The following CGN variants were observed in gnomAD, a reference collection of about 807,000 sequenced individuals.
CGN encodes cingulin.
In CGN, 121 loss-of-function variants were observed where a neutral mutation model predicts 157.1. The ratio of observed to expected loss-of-function variants is 0.77; its 90% CI spans 0.66 to 0.90. CGN has a LOEUF of 0.90. Ranked by LOEUF, CGN falls within the 40% of genes least tolerant of loss-of-function variation. The pLI, the probability that CGN is intolerant of heterozygous loss-of-function variation, is 0.00. For synonymous variants in CGN, 535 were observed against 607.5 expected, an observed-to-expected ratio of 0.88 and a Z score of 1.76; for missense variants, 1,424 against 1,520.9, an observed-to-expected ratio of 0.94 and a Z score of 1.06.
Position 151,520,667 on chromosome 1 carries a change from G to A in CGN, c.1116G>A (p.Gln372=), listed in dbSNP as rs1490677182. 3 of 1,613,888 alleles carry A rather than the reference G, an allele frequency of 1.9e-6. No individual in the cohort carries two copies. Among genetic ancestry groups the A allele is most frequent in the African/African-American group, 1.3e-5 (1 of 74,944 alleles). ...TTACCCGAAAAGTGGAGGAGCTACA[G>A]CGAAAGCTGGATGAAGAGGTGAAGG... The part of the protein sequence containing the change: ...GELTRKVEEL[Q]RKLDEEVKKR... The change falls in exon 5 of 21, where the codon CAG becomes CAA. Residue 372 remains glutamine (Q), a synonymous_variant. Coordinates refer to ENST00000271636, the MANE Select transcript of CGN (RefSeq NM_020770.3).
rs1348912579 is a variant in CGN, at chr1:151,530,526, C to A, written c.2351C>A (p.Ser784Tyr). ...CAGCTGGAGGAGGCCCTGAATGCGT[C>A]CCAGGAAGAGGAGGGGAGTCTGGCA... is the stretch of plus-strand genomic sequence containing the variant. ...KQQLEEALNASQEEEGSLAAA... is the reference protein window; with the variant it reads ...KQQLEEALNAYQEEEGSLAAA... Residue 784 changes from serine to tyrosine, a missense_variant, in exon 13 of 21, where the codon TCC (serine) becomes TAC (tyrosine). By Grantham distance (144) the Ser-to-Tyr change is moderately radical. Coordinates refer to ENST00000271636, the MANE Select transcript of CGN (RefSeq NM_020770.3). 3 of 1,603,730 alleles carry A rather than the reference C, an allele frequency of 1.9e-6. No homozygotes were observed. The highest frequency in any genetic ancestry group is 2.5e-6 in the Non-Finnish European group (3 of 1,177,486).
rs180692076 is a variant in CGN, at chr1:151,523,368, T to C, written c.1141-66T>C. On this transcript the variant is annotated intron_variant, in intron 5 of 20. Coordinates refer to ENST00000271636, the MANE Select transcript of CGN (RefSeq NM_020770.3). ...TCCAATGAGTGTTAGACATTCCCAT[T>C]ATTCTGAGTCTTTCTGAGAGGCTTT... 5.0e-4 allele frequency: 732 copies of C among 1,477,102 alleles called. 4 individuals carry two copies. In the East Asian group the frequency reaches 0.012, roughly 24 times the overall value. The allele number at this position is 1,477,102 out of a possible 1,614,324, so 91.5% of individuals were successfully genotyped here. A position where few individuals can be genotyped will look rare whatever the true frequency, so the allele number is the denominator to read the frequency against.
intron 9 of CGN, 152 bp from the exon 10 acceptor site, chr1:151,526,823 G>T: frequency 1.3e-6 from 1 of 782,668 alleles, no homozygotes; most frequent in South Asian, 1.8e-5. Flanking sequence ...TTCTCAAACT[G>T]CTCTTTTCCA....
chr1:151,537,094 T>G, intron 20 of CGN, 111 bp from the exon 21 acceptor site: 7 of 1,333,242 alleles, frequency 5.3e-6, no homozygotes, highest in Non-Finnish European at 6.2e-6. Flanking sequence ...GGGGATTTTG[T>G]GAATAAACTT....
In CGN at chr1:151,520,448, G is replaced by A. The variant is rs780085429; in HGVS notation, c.1009G>A (p.Val337Ile). ...AAGTGAAACCTCTGTGAGGAGGAAG[G>A]TTAGTTTGGTGCTGGAGAAGATGCA... is the stretch of plus-strand genomic sequence containing the variant. ...SESETSVRRK[V>I]SLVLEKMQPL... Residue 337 changes from valine to isoleucine, a missense_variant, in exon 4 of 21, where the codon GTT becomes ATT. Val to Ile is a conservative substitution (Grantham distance 29). Around this residue, in one of 3 missense-constraint regions of CGN, gnomAD observed 1,187 missense variants for 1,217.6 expected, o/e 0.97. Coordinates refer to ENST00000271636, the MANE Select transcript of CGN (RefSeq NM_020770.3). 3.5e-5 allele frequency: 56 copies of A among 1,614,078 alleles called. No individual in the cohort carries two copies. The highest frequency in any genetic ancestry group is 1.6e-4 in the Middle Eastern group (1 of 6,084).
chr1:151,532,536 G>A lies in CGN; in HGVS notation c.2706G>A (p.Glu902=). Residue 902 remains glutamate (E), a synonymous_variant, in exon 14 of 21, where the codon GAG becomes GAA. Coordinates refer to ENST00000271636, the MANE Select transcript of CGN (RefSeq NM_020770.3). ...RQAKDWASEA[E]KTSGGLSRLQ... is the part of the protein sequence containing the mutation. The stretch of plus-strand genomic sequence containing the variant: ...CCAAGGATTGGGCCAGTGAGGCTGA[G>A]AAGACCTCTGGAGGACTGAGCCGAC... The A allele has an allele frequency of 6.3e-7, 1 of 1,589,394 alleles. No individual in the cohort carries two copies. Among genetic ancestry groups the A allele is most frequent in the Non-Finnish European group, 8.6e-7 (1 of 1,169,082 alleles).
chr1:151,517,659 C>T (rs528262588), intron 1 of CGN, among the ~76,000 whole-genome samples: 2 of 152,036 alleles, frequency 1.3e-5, no homozygotes, highest in African/African-American at 4.8e-5. Flanking sequence ...TACAGGCATG[C>T]GCCACCACGC....
At chr1:151,532,760 CAGGTG>C (rs1411451090) in intron 14 of CGN, among the ~76,000 whole-genome samples, 188 bp downstream of exon 14, 3 of 152,010 alleles carry the variant, frequency 2.0e-5, no homozygotes, top group African/African-American at 7.3e-5. Flanking sequence ...GCTGGGACTA[CAGGTG>C]CCTGCCACCA....
intron 9 of CGN, among the ~76,000 whole-genome samples, chr1:151,526,181 C>CT (rs10570307): frequency 5.0e-5 from 7 of 139,022 alleles, no homozygotes; most frequent in Middle Eastern, 3.9e-3. Context: ...CCCCTTTCTC[C>CT]TTTTTTTTTT....
At chr1:151,516,985 C>T in intron 1 of CGN, among the ~76,000 whole-genome samples, 1 of 151,568 alleles carries the variant, frequency 6.6e-6, no homozygotes. Context: ...TATGGTGAAA[C>T]CCCATCTCTA....
chr1:151,537,968 A>G lies in CGN; in HGVS notation c.*622A>G, dbSNP rs1665007014. On this transcript the variant is annotated 3_prime_UTR_variant, in exon 21 of 21. Transcript: ENST00000271636. ...TCAGTGCCTTAGCCAAGGCAAGGAG[A>G]TAAGGATGCTCTTCTTGCTTTTTAT... is the stretch of plus-strand genomic sequence containing the variant. 1 of 152,568 alleles carries G rather than the reference A, an allele frequency of 6.6e-6. No homozygotes were observed. The highest frequency in any genetic ancestry group is 1.5e-5 in the Non-Finnish European group (1 of 68,050). The allele number at this position is 152,568 out of a possible 1,614,324, so 9.5% of individuals were successfully genotyped here.
chr1:151,524,838 C>G lies in CGN; in HGVS notation c.1566C>G (p.Tyr522Ter), dbSNP rs1329758305. ...DQEVEHVRQQ[Y>*]QRDTEQLRRS... ...AGGTGGAACATGTCCGGCAGCAGTA[C>G]CAGCGAGACACAGAGCAGCTCCGCA... The change falls in exon 8 of 21, where the codon TAC becomes TAG. Residue 522 changes from tyrosine to a stop codon, truncating the protein, a stop_gained. Coordinates refer to ENST00000271636, the MANE Select transcript of CGN (RefSeq NM_020770.3). LOFTEE classifies it high-confidence loss of function. The surrounding 1 kb of genome is among the most constrained non-coding windows in gnomAD (Gnocchi z 4.4). The G allele has an allele frequency of 6.2e-7, 1 of 1,612,300 alleles. No homozygotes were observed. The highest frequency in any genetic ancestry group is 1.1e-5 in the South Asian group (1 of 90,988).
In CGN at chr1:151,530,740, C is replaced by G; in HGVS notation, c.2565C>G (p.Asn855Lys). Residue 855 changes from asparagine (N) to lysine (K), a missense_variant, in exon 13 of 21, where the codon AAC becomes AAG. Physicochemically the swap from Asn to Lys is moderately conservative, Grantham distance 94 (BLOSUM62 0). Coordinates refer to ENST00000271636, the MANE Select transcript of CGN (RefSeq NM_020770.3). ...TGGACAGGACTGTGGACCGACTGAA[C>G]AAGGAGGTGGGGCATGGGGTATTCT... ...RLLDRTVDRL[N>K]KELEKIGEDS... 6.4e-7 allele frequency: 1 copy of G among 1,551,460 alleles called. No individual in the cohort carries two copies. Among genetic ancestry groups the G allele is most frequent in the Non-Finnish European group, 8.7e-7 (1 of 1,146,736 alleles).
intron 5 of CGN, 33 bp downstream of exon 5, chr1:151,520,724 A>C (rs1664527543): frequency 6.4e-7 from 1 of 1,574,730 alleles, no homozygotes; most frequent in Admixed American, 1.8e-5. Context: ...GGAGGCATGA[A>C]GGAAAACAGG....
chr1:151,527,948 A>ATTTTTTTTTTT (rs1367576752), intron 10 of CGN: 1 of 120,222 alleles, frequency 8.3e-6, no homozygotes, highest in Non-Finnish European at 1.4e-5. Flanking sequence ...ATATATATAT[A>ATTTTTTTTTTT]TATTTTTTTT....
chr1:151,510,882 G>T (rs1334224413), upstream of CGN: 1 of 152,250 alleles, frequency 6.6e-6, no homozygotes, highest in Non-Finnish European at 1.5e-5. Context: ...CAAGATCAGG[G>T]TTCTGGTTCG....
At chr1:151,530,366 C>A (rs1310788429) in intron 12 of CGN, 123 bp from the exon 13 acceptor site, 32 of 1,221,240 alleles carry the variant, frequency 2.6e-5, no homozygotes, top group Non-Finnish European at 4.5e-6. Flanking sequence ...TTGCTAGGAG[C>A]CTGTTTTCAT....
Position 151,536,353 on chromosome 1 carries a change from CAT to C in CGN, c.3306+9_3306+10del. ...AATGACCAGAAAGACCAGGTGAGGA[CAT>C]GGCACCCTGGAGCCAAGCAACCTGG... is the stretch of plus-strand genomic sequence containing the variant. On this transcript the variant is annotated intron_variant, in intron 19 of 20. Transcript: ENST00000271636. 2 of 1,529,582 alleles carry C rather than the reference CAT, an allele frequency of 1.3e-6. No homozygotes were observed. Among genetic ancestry groups the C allele is most frequent in the Middle Eastern group, 1.8e-4 (1 of 5,714 alleles). The allele number at this position is 1,529,582 out of a possible 1,614,324, so 94.8% of individuals were successfully genotyped here.
upstream of CGN, chr1:151,510,898 G>A (rs566113265): frequency 3.9e-5 from 6 of 152,356 alleles, no homozygotes; most frequent in Non-Finnish European, 8.8e-5. Flanking sequence ...GTTCGGGTCA[G>A]GGAAAAGGGA....
Sources: allele counts gnomAD v4.1 joint callset (sites outside exome capture counted in the v4.1 genomes callset), GRCh38; gene constraint gnomAD v4.1.1; regional missense constraint gnomAD v4.1.1; non-coding constraint Gnocchi (gnomAD v3.1); transcripts MANE v1.5; gene names NCBI Gene and HGNC (gene_info 2026-07-23, HGNC 2026-07-21).